The following GRAMD4 variants were observed in gnomAD, a reference collection of about 807,000 sequenced individuals.
GRAMD4 encodes GRAM domain containing 4, also known as GRAM domain-containing protein 4.
A neutral mutation model predicts 83.9 loss-of-function variants in GRAMD4; 25 were observed. The ratio of observed to expected loss-of-function variants is 0.30; its 90% confidence interval spans 0.22 to 0.42. The LOEUF is 0.42. GRAMD4 is among the 10% of genes least tolerant of loss of function. The probability of loss-of-function intolerance (pLI) is 1.00; values close to 1 mark genes in which losing one functional copy is unlikely to be tolerated. For synonymous variants in GRAMD4, 336 were observed against 320.9 expected (o/e 1.05, Z -0.50); for missense variants, 593 against 788.7 (o/e 0.75, Z 2.97).
chr22:46,595,198 C>A (rs1267430172), intron 1 of GRAMD4, among the ~76,000 whole-genome samples: 2 of 152,138 alleles, frequency 1.3e-5, no homozygotes, highest in African/African-American at 4.8e-5. Flanking sequence ...CGTTTTCAAT[C>A]CCAGGGTGGG....
chr22:46,668,268 G>A (rs542764992), intron 11 of GRAMD4, 101 bp downstream of exon 11: 11 of 742,830 alleles, frequency 1.5e-5, no homozygotes, highest in Admixed American at 1.5e-4. Flanking sequence ...GCCGGCCTCC[G>A]CTGCTGCCTG....
intron 1 of GRAMD4, among the ~76,000 whole-genome samples, chr22:46,603,598 G>C (rs2081336765): frequency 7.0e-6 from 1 of 143,104 alleles, no homozygotes. Context: ...CTCACTGCAA[G>C]CTCCGCCTTC....
upstream of GRAMD4, among the ~76,000 whole-genome samples, chr22:46,616,643 C>G (rs1249486241): frequency 1.5e-5 from 2 of 130,600 alleles, no homozygotes; most frequent in Non-Finnish European, 1.6e-5. Context: ...TGTGTACGTT[C>G]CCCTGTGTGT....
intron 3 of GRAMD4, among the ~76,000 whole-genome samples, chr22:46,643,127 C>G (rs866811098): frequency 9.4e-4 from 135 of 143,152 alleles, no homozygotes; most frequent in South Asian, 1.1e-3. Flanking sequence ...ATCCATGCAT[C>G]CATCCATGCA....
intron 3 of GRAMD4, among the ~76,000 whole-genome samples, chr22:46,653,705 A>G (rs2082200244): frequency 6.6e-6 from 1 of 152,210 alleles, no homozygotes; most frequent in Non-Finnish European, 1.5e-5. Flanking sequence ...GGGAGGGGCC[A>G]AAGTGCCTCT....
chr22:46,601,239 C>T (rs2147051250), intron 1 of GRAMD4, among the ~76,000 whole-genome samples: 1 of 152,230 alleles, frequency 6.6e-6, no homozygotes, highest in East Asian at 1.9e-4. Flanking sequence ...CAGGAGACAG[C>T]TTGTCTTCTG....
intron 1 of GRAMD4, among the ~76,000 whole-genome samples, chr22:46,605,237 C>G (rs913274078): frequency 1.6e-4 from 24 of 152,108 alleles, no homozygotes; most frequent in African/African-American, 5.5e-4. Flanking sequence ...GTTTTGGTGC[C>G]ATAATATTCT....
In GRAMD4 at chr22:46,677,135, C is replaced by A. The variant is rs1172526527; in HGVS notation, c.1633-12C>A. The A allele has an allele frequency of 6.2e-6, 10 of 1,612,204 alleles. No individual in the cohort carries two copies. The South Asian group carries it at 1.1e-4, about 18-fold the overall frequency. ...TGTGCCATGCTCACTGGTGGCATTT[C>A]TTCCCTGCCAGCCGCTCGTGTTTGG... is the stretch of plus-strand genomic sequence containing the variant. On this transcript the variant is annotated splice_polypyrimidine_tract_variant and intron_variant, in intron 18 of 18. Transcript: ENST00000406902.
At chr22:46,625,589 G>A (rs2081645775) in intron 1 of GRAMD4, among the ~76,000 whole-genome samples, 1 of 152,274 alleles carries the variant, frequency 6.6e-6, no homozygotes, top group Non-Finnish European at 1.5e-5. Flanking sequence ...TCAGAAAGCT[G>A]GTCAGTGGCA....
chr22:46,612,510 T>G (rs2081427776), intron 1 of GRAMD4, among the ~76,000 whole-genome samples: 1 of 152,224 alleles, frequency 6.6e-6, no homozygotes, highest in African/African-American at 2.4e-5. Flanking sequence ...GAGAATAGCC[T>G]GTAGCAGGCG....
intron 4 of GRAMD4, among the ~76,000 whole-genome samples, chr22:46,658,702 G>A (rs987989270): frequency 2.0e-5 from 3 of 151,682 alleles, no homozygotes; most frequent in Admixed American, 6.6e-5. Context: ...GCCCCACCCC[G>A]GGGGCCAGCC....
intron 1 of GRAMD4, among the ~76,000 whole-genome samples, chr22:46,580,500 A>C (rs1456615426): frequency 6.6e-6 from 1 of 152,236 alleles, no homozygotes; most frequent in Non-Finnish European, 1.5e-5. Context: ...GGATCTCCCA[A>C]GGGGACAGTT....
At chr22:46,602,514 T>G (rs2081321162) in intron 1 of GRAMD4, among the ~76,000 whole-genome samples, 1 of 151,990 alleles carries the variant, frequency 6.6e-6, no homozygotes. Flanking sequence ...AGTACAAAAA[T>G]TAGCTGGGCA....
chr22:46,619,087 G>T (rs141537733), upstream of GRAMD4, among the ~76,000 whole-genome samples: 7 of 152,356 alleles, frequency 4.6e-5, no homozygotes, highest in East Asian at 9.6e-4. Flanking sequence ...AATCCAGGGA[G>T]GGGATGAAAC....
chr22:46,593,210 A>C (rs2081227441), intron 1 of GRAMD4, among the ~76,000 whole-genome samples: 1 of 152,144 alleles, frequency 6.6e-6, no homozygotes, highest in Admixed American at 6.5e-5. Context: ...ACGTTTAAAA[A>C]GTCGTAAGTT....
At chr22:46,636,470 G>T (rs1405279533) in intron 2 of GRAMD4, among the ~76,000 whole-genome samples, 2 of 152,252 alleles carry the variant, frequency 1.3e-5, no homozygotes, top group Non-Finnish European at 2.9e-5. Context: ...CAGCCAGAGT[G>T]CCCTGCCTAG....
intron 3 of GRAMD4, among the ~76,000 whole-genome samples, chr22:46,652,403 T>C (rs553887666): frequency 7.6e-4 from 116 of 152,288 alleles, no homozygotes; most frequent in African/African-American, 2.6e-3. Flanking sequence ...GCCCACGCCA[T>C]GAGCTCAGCC....
At chr22:46,669,577 CTCTT>C (rs202213851) in intron 13 of GRAMD4, among the ~76,000 whole-genome samples, 1,650 of 150,694 alleles carry the variant, frequency 0.011, 21 homozygotes, top group Non-Finnish European at 0.016. Flanking sequence ...CTCTCTCTCT[CTCTT>C]TTTTTTTTTT....
At chr22:46,625,944 G>C (rs1354015245) in intron 1 of GRAMD4, among the ~76,000 whole-genome samples, 1 of 152,256 alleles carries the variant, frequency 6.6e-6, no homozygotes, top group Non-Finnish European at 1.5e-5. Flanking sequence ...AGGTTTCTGT[G>C]TTGATTGGAG....
Sources: gnomAD v4.1 joint callset for allele counts (sites outside exome capture counted in the v4.1 genomes callset) on GRCh38, gnomAD v4.1.1 for gene constraint, MANE v1.5 for transcripts, NCBI Gene and HGNC (gene_info 2026-07-23, HGNC 2026-07-21) for gene names.